Variants in OPCML observed in about 807,000 individuals in gnomAD.
OPCML encodes the protein opioid-binding protein/cell adhesion molecule.
Under a neutral mutation model 37.8 loss-of-function variants are expected in OPCML, and 13 were observed. The observed-to-expected ratio is 0.34, with a 90% confidence interval of 0.22 to 0.55. The LOEUF is 0.55. Among genes scored for constraint, OPCML ranks in the 20% least tolerant of loss-of-function variants. The pLI is 0.91. For missense variants in OPCML, 341 were observed against 435.6 expected, an observed-to-expected ratio of 0.78 and a Z score of 1.93; for synonymous variants, 176 against 168.8, an observed-to-expected ratio of 1.04 and a Z score of -0.33.
At chr11:132,615,326 G>A (rs973107547) in intron 3 of OPCML, among the ~76,000 whole-genome samples, 2 of 152,162 alleles carry the variant, frequency 1.3e-5, no homozygotes, top group Non-Finnish European at 2.9e-5. Flanking sequence ...CCATTCATTA[G>A]TAGTGGAATC....
At chr11:133,318,133 C>G (rs75479981) in intron 1 of OPCML, among the ~76,000 whole-genome samples, 1 of 152,292 alleles carries the variant, frequency 6.6e-6, no homozygotes, top group African/African-American at 2.4e-5. Flanking sequence ...TCTGCACTCT[C>G]CATCACACGC....
At chr11:132,761,875 G>T (rs578072416) in intron 2 of OPCML, among the ~76,000 whole-genome samples, 30 of 152,222 alleles carry the variant, frequency 2.0e-4, no homozygotes, top group Admixed American at 3.9e-4. Flanking sequence ...TGGGCCTTTG[G>T]AGGAGAAGAG....
Position 132,685,767 on chromosome 11 carries a change from G to C in OPCML, c.147-28448C>G, listed in dbSNP as rs899433984. On this transcript the variant is annotated intron_variant, in intron 2 of 7. Transcript: ENST00000524381. ...CAGTTCCTGAGAAGTAAACACAAAG[G>C]AGTAGAACCTGGCTTGAATCCCACC... Among the ~76,000 whole-genome samples, 16 of 152,258 alleles carry C rather than the reference G, an allele frequency of 1.1e-4. No homozygotes were observed. In the East Asian group the frequency reaches 2.3e-3, roughly 22 times the overall value.
chr11:132,638,775 C>A (rs1940677521), intron 3 of OPCML, among the ~76,000 whole-genome samples: 1 of 152,168 alleles, frequency 6.6e-6, no homozygotes. Flanking sequence ...TCCCAACCAA[C>A]CAACCAACAC....
At chr11:132,479,865 A>T (rs2096172830) in intron 4 of OPCML, among the ~76,000 whole-genome samples, 1 of 152,228 alleles carries the variant, frequency 6.6e-6, no homozygotes, top group African/African-American at 2.4e-5. Flanking sequence ...CAAAAAACCC[A>T]TCTGTACATC....
At chr11:132,601,075 A>G (rs989205543) in intron 3 of OPCML, among the ~76,000 whole-genome samples, 8 of 152,174 alleles carry the variant, frequency 5.3e-5, no homozygotes, top group Admixed American at 6.5e-5. Context: ...GGAATTAAAT[A>G]ATAACTGTCA....
chr11:133,169,044 C>T (rs774808250), intron 1 of OPCML, among the ~76,000 whole-genome samples: 4 of 152,138 alleles, frequency 2.6e-5, no homozygotes, highest in Non-Finnish European at 4.4e-5. Flanking sequence ...GCAGGATAAT[C>T]GCTTGAACCT....
At chr11:133,233,469 T>C (rs1236140279) in intron 1 of OPCML, among the ~76,000 whole-genome samples, 1 of 152,076 alleles carries the variant, frequency 6.6e-6, no homozygotes, top group East Asian at 1.9e-4. Context: ...CCATGGTAAA[T>C]TAGTACAAAC....
At chr11:132,618,231 T>G (rs923887387) in intron 3 of OPCML, among the ~76,000 whole-genome samples, 4 of 152,196 alleles carry the variant, frequency 2.6e-5, no homozygotes, top group African/African-American at 9.7e-5. Flanking sequence ...TTTTTTAGTT[T>G]GGAGGGAGCT....
chr11:132,904,171 T>C (rs1944156003), intron 2 of OPCML, among the ~76,000 whole-genome samples: 1 of 152,180 alleles, frequency 6.6e-6, no homozygotes, highest in Non-Finnish European at 1.5e-5. Flanking sequence ...ACACCCTTTT[T>C]TGAGCTTATT....
intron 2 of OPCML, among the ~76,000 whole-genome samples, chr11:132,722,516 T>G (rs548849324): frequency 6.6e-6 from 1 of 152,270 alleles, no homozygotes; most frequent in Admixed American, 6.5e-5. Context: ...AAATGACAGC[T>G]GAGCTGGACA....
At chr11:132,590,292 A>T (rs2096482246) in intron 3 of OPCML, among the ~76,000 whole-genome samples, 1 of 152,196 alleles carries the variant, frequency 6.6e-6, no homozygotes, top group African/African-American at 2.4e-5. Flanking sequence ...AATAAAATGA[A>T]CATGGGTAAA....
At chr11:132,897,894 T>G (rs1756761414) in intron 2 of OPCML, among the ~76,000 whole-genome samples, 1 of 152,076 alleles carries the variant, frequency 6.6e-6, no homozygotes, top group Non-Finnish European at 1.5e-5. Flanking sequence ...GCAAAGGATG[T>G]GAAGTTATTT....
At chr11:132,507,201 C>A (rs1194888355) in intron 4 of OPCML, among the ~76,000 whole-genome samples, 1 of 151,276 alleles carries the variant, frequency 6.6e-6, no homozygotes. Context: ...AAAAATAAAG[C>A]AAAAAGTATT....
intron 1 of OPCML, among the ~76,000 whole-genome samples, chr11:133,199,646 T>G (rs1054054663): frequency 2.0e-5 from 3 of 152,210 alleles, no homozygotes; most frequent in African/African-American, 7.2e-5. Context: ...CCGCAAAATG[T>G]GGAATATCCA....
intron 1 of OPCML, among the ~76,000 whole-genome samples, chr11:133,458,476 G>A (rs529105028): frequency 2.8e-5 from 3 of 107,346 alleles, no homozygotes; most frequent in Non-Finnish European, 5.7e-5. Context: ...ACACGTGTGT[G>A]TATATACACA....
intron 1 of OPCML, among the ~76,000 whole-genome samples, chr11:133,231,030 T>C (rs893795416): frequency 6.6e-6 from 1 of 152,184 alleles, no homozygotes; most frequent in Non-Finnish European, 1.5e-5. Context: ...AGGGGCTGTC[T>C]GCCTCAATGT....
intron 4 of OPCML, among the ~76,000 whole-genome samples, chr11:132,525,199 T>G (rs1379273204): frequency 6.6e-6 from 1 of 152,220 alleles, no homozygotes; most frequent in Non-Finnish European, 1.5e-5. Flanking sequence ...AGCTTACTAT[T>G]ATTTTTCTCC....
intron 2 of OPCML, among the ~76,000 whole-genome samples, chr11:132,806,534 G>C (rs1015716302): frequency 2.6e-5 from 4 of 152,056 alleles, no homozygotes; most frequent in African/African-American, 9.7e-5. Flanking sequence ...CATGATAAAA[G>C]AGCAAATTAC....
Sources: gnomAD v4.1 joint callset for allele counts (sites outside exome capture counted in the v4.1 genomes callset) on GRCh38, gnomAD v4.1.1 for gene constraint, MANE v1.5 for transcripts, NCBI Gene and HGNC (gene_info 2026-07-23, HGNC 2026-07-21) for gene names.